The following ERC2 variants were observed in gnomAD, a reference collection of about 807,000 sequenced individuals.
ERC2 encodes ERC protein 2.
In ERC2, 42 loss-of-function variants were observed where a neutral mutation model predicts 114.8. That is an observed-to-expected ratio of 0.37 (90% CI 0.29 to 0.47). The LOEUF is 0.47. Among genes scored for constraint, ERC2 ranks in the 20% least tolerant of loss-of-function variants. The probability of loss-of-function intolerance (pLI) is 0.99; values close to 1 mark genes in which losing one functional copy is unlikely to be tolerated. For synonymous variants in ERC2, 454 were observed against 425.5 expected (o/e 1.07, Z -0.82); for missense variants, 939 against 1,150.7 (o/e 0.82, Z 2.66).
intron 4 of ERC2, among the ~76,000 whole-genome samples, chr3:56,149,891 C>G (rs1362490035): frequency 6.6e-6 from 1 of 152,020 alleles, no homozygotes; most frequent in Non-Finnish European, 1.5e-5. Flanking sequence ...ATGACAGACT[C>G]TATACACAAG....
chr3:55,644,825 G>C (rs1313104092), intron 17 of ERC2, among the ~76,000 whole-genome samples: 1 of 151,894 alleles, frequency 6.6e-6, no homozygotes, highest in Non-Finnish European at 1.5e-5. Context: ...TCTGGGGAGA[G>C]AGTCCTCTGT....
intron 17 of ERC2, among the ~76,000 whole-genome samples, chr3:55,583,752 G>C (rs993882760): frequency 6.6e-6 from 1 of 151,602 alleles, no homozygotes; most frequent in Admixed American, 6.6e-5. Context: ...AACCAGCCAC[G>C]TCTGTAATGG....
chr3:56,443,583 C>G (rs552570782), intron 1 of ERC2, among the ~76,000 whole-genome samples: 1 of 151,994 alleles, frequency 6.6e-6, no homozygotes, highest in African/African-American at 2.4e-5. Flanking sequence ...TTGAGTCACT[C>G]GCACCCTCCC....
intron 14 of ERC2, among the ~76,000 whole-genome samples, chr3:55,836,219 A>C (rs2060877012): frequency 6.6e-6 from 1 of 152,158 alleles, no homozygotes. Context: ...CATCAAGTTA[A>C]CAATGACTTT....
At chr3:56,292,559 C>T (rs1158800640) in intron 3 of ERC2, among the ~76,000 whole-genome samples, 1 of 151,966 alleles carries the variant, frequency 6.6e-6, no homozygotes. Context: ...CACTGTACTC[C>T]AACCTGGGTG....
Position 56,296,453 on chromosome 3 carries a change from G to T in ERC2, c.658-18C>A, listed in dbSNP as rs1194324038. On this transcript the variant is annotated intron_variant, in intron 2 of 17. Transcript: ENST00000288221. The stretch of plus-strand genomic sequence containing the variant: ...TGTAGGTGCTGCAATGAGAAAGATG[G>T]AGCGGGAGAGGAGAAAGAAGGAAAA... 1 of 1,585,802 alleles carries T rather than the reference G, an allele frequency of 6.3e-7. No individual in the cohort carries two copies. The highest frequency in any genetic ancestry group is 2.3e-5 in the East Asian group (1 of 44,334).
At chr3:55,800,853 A>T (rs1222412333) in intron 14 of ERC2, among the ~76,000 whole-genome samples, 1 of 152,128 alleles carries the variant, frequency 6.6e-6, no homozygotes, top group African/African-American at 2.4e-5. Flanking sequence ...GGGTCAGCAC[A>T]TTTATTTCCC....
intron 2 of ERC2, among the ~76,000 whole-genome samples, chr3:56,329,994 A>G (rs1052132290): frequency 2.0e-5 from 3 of 151,658 alleles, no homozygotes; most frequent in Non-Finnish European, 4.4e-5. Flanking sequence ...ATACATATAT[A>G]TTTCCAATAA....
At chr3:55,985,123 T>C (rs112798665) in intron 12 of ERC2, among the ~76,000 whole-genome samples, 1,860 of 152,368 alleles carry the variant, frequency 0.012, 37 homozygotes, top group African/African-American at 0.042. Flanking sequence ...GAGCATCCTT[T>C]AGTAAACTCA....
intron 3 of ERC2, among the ~76,000 whole-genome samples, chr3:56,241,050 C>T (rs2051289161): frequency 6.6e-6 from 1 of 152,012 alleles, no homozygotes; most frequent in Non-Finnish European, 1.5e-5. Flanking sequence ...TGTTTAGCTC[C>T]CACTTACAAT....
At chr3:56,368,836 C>A (rs1003637513) in intron 2 of ERC2, among the ~76,000 whole-genome samples, 1 of 151,576 alleles carries the variant, frequency 6.6e-6, no homozygotes, top group Admixed American at 6.6e-5. Flanking sequence ...AAAAAAAAAA[C>A]CTGTTTTTGA....
intron 6 of ERC2, among the ~76,000 whole-genome samples, chr3:56,094,305 T>A (rs1401048991): frequency 6.6e-6 from 1 of 152,124 alleles, no homozygotes; most frequent in African/African-American, 2.4e-5. Context: ...TAACACTGCA[T>A]TAGGTGGTGC....
intron 15 of ERC2, among the ~76,000 whole-genome samples, chr3:55,727,135 T>G (rs1292400615): frequency 6.6e-6 from 1 of 152,190 alleles, no homozygotes; most frequent in Non-Finnish European, 1.5e-5. Context: ...TCAGAATTAA[T>G]TATTTTGATG....
chr3:55,675,903 C>CTTCTTTTTTT (rs2061775842), intron 17 of ERC2, among the ~76,000 whole-genome samples: 1 of 47,994 alleles, frequency 2.1e-5, no homozygotes, highest in Non-Finnish European at 3.5e-5. Context: ...TCTTTTCTTT[C>CTTCTTTTTTT]TTTTTTTTTT....
chr3:56,452,193 T>A (rs1360768734), intron 1 of ERC2, among the ~76,000 whole-genome samples: 4 of 152,198 alleles, frequency 2.6e-5, no homozygotes, highest in Non-Finnish European at 5.9e-5. Context: ...CCCTAAGGAA[T>A]CACTGAGTCA....
At chr3:56,041,161 A>G (rs1235493100) in intron 7 of ERC2, among the ~76,000 whole-genome samples, 1 of 151,906 alleles carries the variant, frequency 6.6e-6, no homozygotes, top group African/African-American at 2.4e-5. Flanking sequence ...GTGATTTTCT[A>G]TTGTATCTTG....
chr3:56,353,030 C>T (rs1393162387), intron 2 of ERC2, among the ~76,000 whole-genome samples: 1 of 152,178 alleles, frequency 6.6e-6, no homozygotes, highest in African/African-American at 2.4e-5. Context: ...ACAGAGCCTG[C>T]CTCAGGGCAG....
chr3:56,030,250 T>C (rs971778107), intron 7 of ERC2, among the ~76,000 whole-genome samples: 1 of 152,188 alleles, frequency 6.6e-6, no homozygotes, highest in Non-Finnish European at 1.5e-5. Flanking sequence ...TTGGTGAATA[T>C]TATATATGTA....
chr3:56,101,834 G>A (rs558438619), intron 6 of ERC2, among the ~76,000 whole-genome samples: 2 of 152,180 alleles, frequency 1.3e-5, no homozygotes, highest in African/African-American at 4.8e-5. Flanking sequence ...CCTCAGAGGA[G>A]AATGTCAAGG....
Sources: allele counts gnomAD v4.1 joint callset (sites outside exome capture counted in the v4.1 genomes callset), GRCh38; gene constraint gnomAD v4.1.1; transcripts MANE v1.5; gene names NCBI Gene and HGNC (gene_info 2026-07-23, HGNC 2026-07-21).